Variants in WDR70 observed in about 807,000 individuals in gnomAD.
WDR70 encodes WD repeat-containing protein 70.
Under a neutral mutation model 88.6 loss-of-function variants are expected in WDR70, and 53 were observed. That is an observed-to-expected ratio of 0.60 (90% confidence interval 0.48 to 0.75). The LOEUF (loss-of-function observed/expected upper bound fraction) is 0.75, where lower values mean the gene tolerates loss of function less well. Ranked by LOEUF, WDR70 falls within the 30% of genes least tolerant of loss-of-function variation. WDR70 has a pLI of 0.00. For synonymous variants in WDR70, 280 were observed against 270.0 expected (o/e 1.04, Z -0.36); for missense variants, 610 against 823.2 (o/e 0.74, Z 3.17).
intron 13 of WDR70, among the ~76,000 whole-genome samples, chr5:37,706,694 TAGC>T (rs983846462): frequency 4.0e-5 from 6 of 149,862 alleles, no homozygotes; most frequent in South Asian, 4.2e-4. Flanking sequence ...ATATGTTTAT[TAGC>T]AGTGTGAGAA....
At chr5:37,595,918 A>G (rs1323545681) in intron 9 of WDR70, among the ~76,000 whole-genome samples, 1 of 152,168 alleles carries the variant, frequency 6.6e-6, no homozygotes, top group African/African-American at 2.4e-5. Context: ...GGTCTAATCT[A>G]TATACAGTGA....
chr5:37,608,322 G>A (rs1337866616), intron 10 of WDR70, among the ~76,000 whole-genome samples: 2 of 152,134 alleles, frequency 1.3e-5, no homozygotes, highest in Non-Finnish European at 2.9e-5. Context: ...TTACAGGCGT[G>A]AGCCACCACG....
intron 17 of WDR70, among the ~76,000 whole-genome samples, chr5:37,749,854 A>G (rs1237003627): frequency 1.3e-5 from 2 of 151,366 alleles, no homozygotes; most frequent in Non-Finnish European, 2.9e-5. Context: ...AAAACGCAGT[A>G]TCTCCTTTGA....
At chr5:37,719,772 G>T in intron 13 of WDR70, among the ~76,000 whole-genome samples, 1 of 148,670 alleles carries the variant, frequency 6.7e-6, no homozygotes, top group Non-Finnish European at 1.5e-5. Flanking sequence ...ATTTTTTTTT[G>T]GCCTATTTTT....
chr5:37,497,967 G>A (rs187819046), intron 8 of WDR70, among the ~76,000 whole-genome samples: 2 of 152,096 alleles, frequency 1.3e-5, no homozygotes, highest in East Asian at 1.9e-4. Flanking sequence ...GATTATAAGC[G>A]TGCTCCACTA....
intron 3 of WDR70, among the ~76,000 whole-genome samples, chr5:37,386,627 TTTTGTGGGTATATAGTAGATGTATATA>T (rs1314698622): frequency 2.0e-5 from 3 of 152,102 alleles, no homozygotes; most frequent in East Asian, 1.9e-4. Context: ...TATTTTCAAT[TTTTGTGGGTATATAGTAGATGTATATA>T]TTTGTGGGTA....
At chr5:37,692,010 A>G (rs1440658951) in intron 10 of WDR70, among the ~76,000 whole-genome samples, 1 of 152,218 alleles carries the variant, frequency 6.6e-6, no homozygotes, top group Non-Finnish European at 1.5e-5. Flanking sequence ...ACAATAAAAA[A>G]TGATAAAGGG....
intron 4 of WDR70, 53 bp downstream of exon 4, chr5:37,392,173 TAG>T: frequency 6.5e-7 from 1 of 1,533,856 alleles, no homozygotes. Flanking sequence ...TAGGTGTTTA[TAG>T]AGTTTTTTTT....
intron 9 of WDR70, among the ~76,000 whole-genome samples, chr5:37,562,595 C>A (rs1157873315): frequency 6.6e-6 from 1 of 152,156 alleles, no homozygotes; most frequent in Non-Finnish European, 1.5e-5. Context: ...GGCCTTCCGG[C>A]CTTCCGCAGT....
chr5:37,637,239 G>C (rs913417581), intron 10 of WDR70, among the ~76,000 whole-genome samples: 1 of 151,962 alleles, frequency 6.6e-6, no homozygotes, highest in Non-Finnish European at 1.5e-5. Flanking sequence ...CTACTGGGAG[G>C]CTGAGGCAGG....
intron 10 of WDR70, among the ~76,000 whole-genome samples, chr5:37,664,382 C>A (rs147019312): frequency 2.1e-4 from 32 of 152,260 alleles, no homozygotes; most frequent in African/African-American, 7.5e-4. Context: ...TTATTGAGTC[C>A]TACCTATAGA....
chr5:37,493,694 G>A (rs1740134626), intron 8 of WDR70, among the ~76,000 whole-genome samples: 2 of 152,090 alleles, frequency 1.3e-5, no homozygotes, highest in African/African-American at 4.8e-5. Context: ...TTGGTAATTT[G>A]TTACAGAGCA....
At chr5:37,442,514 G>A (rs1352981546) in intron 6 of WDR70, among the ~76,000 whole-genome samples, 2 of 151,820 alleles carry the variant, frequency 1.3e-5, no homozygotes, top group Admixed American at 6.6e-5. Context: ...GTAAAGATGG[G>A]GTTTCTCCAT....
chr5:37,467,534 A>ATT (rs35972019), intron 7 of WDR70, among the ~76,000 whole-genome samples: 6 of 124,536 alleles, frequency 4.8e-5, no homozygotes, highest in African/African-American at 1.4e-4. Context: ...TATCATATGA[A>ATT]TTTTTTTTTT....
chr5:37,706,460 G>A lies in WDR70; in HGVS notation c.1416+3373G>A, dbSNP rs1023504852. ...CCTGGTGGGATGTATTTGAATCATG[G>A]GGGCGGGTCTTTTCCGTGCTGTTCT... On this transcript the variant is annotated intron_variant, in intron 13 of 17. Coordinates refer to ENST00000265107, the MANE Select transcript of WDR70 (RefSeq NM_018034.4). Among the ~76,000 whole-genome samples the A allele has an allele frequency of 5.9e-5, 9 of 152,052 alleles. No homozygotes were observed. The South Asian group carries it at 1.9e-3, about 32-fold the overall frequency.
At chr5:37,414,177 A>G (rs1749620531) in intron 5 of WDR70, among the ~76,000 whole-genome samples, 1 of 150,812 alleles carries the variant, frequency 6.6e-6, no homozygotes, top group African/African-American at 2.4e-5. Flanking sequence ...AATATATATC[A>G]GATCTTGTCA....
chr5:37,682,956 A>C (rs1027434264), intron 10 of WDR70, among the ~76,000 whole-genome samples: 4 of 151,978 alleles, frequency 2.6e-5, no homozygotes, highest in African/African-American at 9.7e-5. Flanking sequence ...TTCCATTACT[A>C]ATATGTGGGA....
chr5:37,564,015 G>T (rs1211445808), intron 9 of WDR70, among the ~76,000 whole-genome samples: 12 of 149,508 alleles, frequency 8.0e-5, no homozygotes, highest in East Asian at 2.0e-4. Context: ...GATGGCGGCC[G>T]GGCAGAGACG....
chr5:37,554,843 C>G (rs1380621410), intron 9 of WDR70, among the ~76,000 whole-genome samples: 1 of 152,040 alleles, frequency 6.6e-6, no homozygotes, highest in Non-Finnish European at 1.5e-5. Flanking sequence ...AGTATTGGGA[C>G]TACAGTTATG....
Sources: gnomAD v4.1 joint callset for allele counts (sites outside exome capture counted in the v4.1 genomes callset) on GRCh38, gnomAD v4.1.1 for gene constraint, MANE v1.5 for transcripts, NCBI Gene and HGNC (gene_info 2026-07-23, HGNC 2026-07-21) for gene names.